NCBP3: variants seen among roughly 807,000 people sequenced by gnomAD.
The protein encoded by NCBP3 is nuclear cap binding subunit 3.
A neutral mutation model predicts 75.7 loss-of-function variants in NCBP3; 20 were observed. The observed-to-expected ratio is 0.26, with a 90% CI of 0.19 to 0.38. NCBP3 has a LOEUF of 0.38. Among genes scored for constraint, NCBP3 ranks in the 10% least tolerant of loss-of-function variants. The pLI is 1.00. For synonymous variants in NCBP3, 293 were observed against 290.5 expected (o/e 1.01, Z -0.09); for missense variants, 678 against 796.9 (o/e 0.85, Z 1.80).
intron 9 of NCBP3, among the ~76,000 whole-genome samples, chr17:3,820,206 T>C (rs2053635978): frequency 6.6e-6 from 1 of 152,172 alleles, no homozygotes; most frequent in African/African-American, 2.4e-5. Flanking sequence ...TGCCTTGGCC[T>C]CCCAAAGTGC....
chr17:3,823,486 G>A (rs1017790360), intron 7 of NCBP3, among the ~76,000 whole-genome samples: 8 of 152,192 alleles, frequency 5.3e-5, no homozygotes, highest in African/African-American at 1.9e-4. Flanking sequence ...CCTGTCTACT[G>A]GTAAAGAAAT....
At chr17:3,839,356 T>G (rs1291395062) in intron 3 of NCBP3, among the ~76,000 whole-genome samples, 1 of 150,688 alleles carries the variant, frequency 6.6e-6, no homozygotes, top group Non-Finnish European at 1.5e-5. Flanking sequence ...GATTCAGAAT[T>G]TTTTTTTTTA....
chr17:3,814,299 C>T, intron 12 of NCBP3, 23 bp downstream of exon 12: 5 of 1,612,128 alleles, frequency 3.1e-6, no homozygotes, highest in Non-Finnish European at 4.2e-6. Flanking sequence ...TCCCCATTCC[C>T]ATCCGTTTTA....
chr17:3,821,389 T>C (rs1356303784), intron 8 of NCBP3, 37 bp from the exon 9 acceptor site: 6 of 1,501,570 alleles, frequency 4.0e-6, no homozygotes, highest in Middle Eastern at 1.7e-4. Flanking sequence ...AATCAAAAAC[T>C]GATAGGAAGG....
intron 3 of NCBP3, among the ~76,000 whole-genome samples, chr17:3,832,852 G>C (rs1048656425): frequency 6.6e-6 from 1 of 152,106 alleles, no homozygotes; most frequent in Non-Finnish European, 1.5e-5. Context: ...ATCTCAAAGA[G>C]TTAAGAGATG....
intron 7 of NCBP3, chr17:3,822,569 T>C (rs2053688541): frequency 6.6e-6 from 1 of 152,562 alleles, no homozygotes; most frequent in South Asian, 2.1e-4. Flanking sequence ...AGCATAATAC[T>C]ATACATGTAG....
chr17:3,830,474 T>C (rs2053857943), intron 3 of NCBP3, among the ~76,000 whole-genome samples: 1 of 152,216 alleles, frequency 6.6e-6, no homozygotes, highest in Non-Finnish European at 1.5e-5. Flanking sequence ...CATATTTATG[T>C]ACACAGACAC....
At chr17:3,836,484 C>T (rs1483028473) in intron 3 of NCBP3, among the ~76,000 whole-genome samples, 1 of 151,796 alleles carries the variant, frequency 6.6e-6, no homozygotes, top group Non-Finnish European at 1.5e-5. Context: ...GAAACCCCGT[C>T]TCTACTAAAA....
intron 11 of NCBP3, among the ~76,000 whole-genome samples, chr17:3,814,689 T>A (rs143291193): frequency 6.6e-6 from 1 of 152,128 alleles, no homozygotes; most frequent in East Asian, 1.9e-4. Flanking sequence ...GGAAAAATCC[T>A]CAACTGATTA....
intron 7 of NCBP3, chr17:3,822,952 T>G (rs2143662437): frequency 6.6e-6 from 1 of 152,286 alleles, no homozygotes; most frequent in African/African-American, 2.4e-5. Context: ...GCTTAAAGAA[T>G]CATGGAGTAT....
chr17:3,807,964 T>G lies in NCBP3; in HGVS notation c.*5080A>C, dbSNP rs1172612399. 2 of 152,192 alleles carry G rather than the reference T, an allele frequency of 1.3e-5. No homozygotes were observed. The highest frequency in any genetic ancestry group is 1.5e-5 in the Non-Finnish European group (1 of 68,042). 9.4% of individuals were successfully genotyped at this position (152,192 alleles called of 1,614,324 possible). On this transcript the variant is annotated 3_prime_UTR_variant, in exon 13 of 13. Transcript: ENST00000389005. ...ACAGTGATTTGGCATTATACACACA[T>G]TTCGCTTAAACACAATGGTATTTGT...
At chr17:3,829,463 G>T in intron 3 of NCBP3, 95 bp from the exon 4 acceptor site, 2 of 1,339,878 alleles carry the variant, frequency 1.5e-6, no homozygotes, top group Non-Finnish European at 1.0e-6. Flanking sequence ...GACAACACGA[G>T]TTTAGAAAGA....
rs868632791 is a variant in NCBP3, at chr17:3,809,159, A to G, written c.*3885T>C. The G allele has an allele frequency of 1.3e-5, 2 of 152,144 alleles. No homozygotes were observed. Among genetic ancestry groups the G allele is most frequent in the Admixed American group, 6.6e-5 (1 of 15,264 alleles). The allele number at this position is 152,144 out of a possible 1,614,324, so 9.4% of individuals were successfully genotyped here. A position where few individuals can be genotyped will look rare whatever the true frequency, so the allele number is the denominator to read the frequency against. On this transcript the variant is annotated 3_prime_UTR_variant, in exon 13 of 13. Transcript: ENST00000389005. ...AAAGAAAAAATAAAAACAAAAAACT[A>G]CAATGAGATACCACTTCACACCAGA... is the stretch of plus-strand genomic sequence containing the variant.
chr17:3,823,977 T>C (rs2053721748), intron 7 of NCBP3: 2 of 152,080 alleles, frequency 1.3e-5, no homozygotes, highest in South Asian at 2.1e-4. Context: ...TTGTATAAAA[T>C]AGTAAACCTA....
rs149378906 is a variant in NCBP3, at chr17:3,821,017, T to G, written c.1000+232A>C. Among the ~76,000 whole-genome samples the G allele has an allele frequency of 3.2e-4, 48 of 152,314 alleles. 1 individual carries two copies. In the Middle Eastern group the frequency reaches 0.01, roughly 32 times the overall value. ...CTAAGGAAAGTTTTGTTTTAATTTT[T>G]CCTATGTCATATTTTGCCTTTTTTG... On this transcript the variant is annotated intron_variant, in intron 9 of 12. Coordinates refer to ENST00000389005, the MANE Select transcript of NCBP3 (RefSeq NM_001114118.3).
chr17:3,822,456 C>T lies in NCBP3; in HGVS notation c.797-404G>A, dbSNP rs181315570. The T allele has an allele frequency of 3.1e-3, 497 of 160,654 alleles. 3 individuals are homozygous for T. The highest frequency in any genetic ancestry group is 0.011 in the African/African-American group (475 of 41,804). 10.0% of individuals were successfully genotyped at this position (160,654 alleles called of 1,614,324 possible). Reference sequence around the variant, plus strand: ...TCACTTCTGAAGGATCACATGCCAACAACACAGCATCAGGATTAAGGAAAC... The same window carrying T: ...TCACTTCTGAAGGATCACATGCCAATAACACAGCATCAGGATTAAGGAAAC... On this transcript the variant is annotated intron_variant, in intron 7 of 12. Transcript: ENST00000389005.
chr17:3,838,103 A>G (rs1156351506), intron 3 of NCBP3, among the ~76,000 whole-genome samples: 4 of 152,262 alleles, frequency 2.6e-5, no homozygotes, highest in African/African-American at 7.2e-5. Flanking sequence ...ACTTGTCCTC[A>G]GTCACAAAGG....
chr17:3,821,745 C>T (rs900602269), intron 8 of NCBP3, among the ~76,000 whole-genome samples: 18 of 152,168 alleles, frequency 1.2e-4, no homozygotes, highest in African/African-American at 3.9e-4. Context: ...TTCAACTACA[C>T]GTTGACACAA....
In NCBP3 at chr17:3,813,063, C is replaced by T. The variant is rs150124306; in HGVS notation, c.1844G>A (p.Gly615Asp). Residue 615 changes from glycine (G) to aspartate (D), a missense_variant, in exon 13 of 13, where the codon GGT becomes GAT. Coordinates refer to ENST00000389005, the MANE Select transcript of NCBP3 (RefSeq NM_001114118.3). ...GGGGCATCAGGACTCTGCCTCTGAACCAGAGCTGCTTTCCCGACTAACTTC... is the reference window on the plus strand; with the variant it reads ...GGGGCATCAGGACTCTGCCTCTGAATCAGAGCTGCTTTCCCGACTAACTTC... ...QIEVSRESSS[G>D]SEAES 1.4e-5 allele frequency: 23 copies of T among 1,614,068 alleles called. No individual in the cohort carries two copies. Among genetic ancestry groups the T allele is most frequent in the Admixed American group, 3.3e-5 (2 of 60,002 alleles).
Sources: allele counts gnomAD v4.1 joint callset (sites outside exome capture counted in the v4.1 genomes callset), GRCh38; gene constraint gnomAD v4.1.1; transcripts MANE v1.5; gene names NCBI Gene and HGNC (gene_info 2026-07-23, HGNC 2026-07-21).